ARHGAP44: variants seen among roughly 807,000 people sequenced by gnomAD.
The protein encoded by ARHGAP44 is rho GTPase-activating protein 44.
A neutral mutation model predicts 106.8 loss-of-function variants in ARHGAP44; 43 were observed. That is an observed-to-expected ratio of 0.40 (90% CI 0.32 to 0.52). The LOEUF (loss-of-function observed/expected upper bound fraction) is 0.52. ARHGAP44 is among the 20% of genes least tolerant of loss of function. The pLI is 0.48. For missense variants in ARHGAP44, 866 were observed against 1,050.5 expected (o/e 0.82, Z 2.43); for synonymous variants, 439 against 410.3 (o/e 1.07, Z -0.85).
At chr17:12,904,250 G>A (rs761182387) in intron 3 of ARHGAP44, among the ~76,000 whole-genome samples, 5 of 152,082 alleles carry the variant, frequency 3.3e-5, no homozygotes, top group Non-Finnish European at 7.4e-5. Context: ...GGGATTACAG[G>A]TGCATGCCAC....
chr17:12,865,338 A>G (rs1212450831), intron 1 of ARHGAP44, among the ~76,000 whole-genome samples: 5 of 152,302 alleles, frequency 3.3e-5, no homozygotes, highest in African/African-American at 7.2e-5. Context: ...TTTGTTTGCA[A>G]GTTTGACACA....
At chr17:12,935,878 A>T (rs1039678742) in intron 7 of ARHGAP44, among the ~76,000 whole-genome samples, 4 of 152,182 alleles carry the variant, frequency 2.6e-5, no homozygotes, top group African/African-American at 9.7e-5. Flanking sequence ...ATAATAGGGG[A>T]TCCTGAAAAA....
At chr17:12,884,824 G>C (rs929306326) in intron 1 of ARHGAP44, among the ~76,000 whole-genome samples, 1 of 152,134 alleles carries the variant, frequency 6.6e-6, no homozygotes, top group Non-Finnish European at 1.5e-5. Flanking sequence ...TACACTGAGC[G>C]TAATGGTTTG....
chr17:12,901,697 A>G (rs1303746463), intron 3 of ARHGAP44, among the ~76,000 whole-genome samples: 1 of 152,040 alleles, frequency 6.6e-6, no homozygotes, highest in East Asian at 1.9e-4. Context: ...GCAGGGTGAG[A>G]AGACATATGG....
intron 6 of ARHGAP44, among the ~76,000 whole-genome samples, chr17:12,926,372 A>G (rs574209206): frequency 1.4e-5 from 2 of 146,968 alleles, no homozygotes; most frequent in East Asian, 2.0e-4. Flanking sequence ...ATGAAAAAAA[A>G]ATTATATATG....
intron 10 of ARHGAP44, among the ~76,000 whole-genome samples, chr17:12,945,492 T>C (rs1295200211): frequency 6.6e-6 from 1 of 152,182 alleles, no homozygotes; most frequent in Non-Finnish European, 1.5e-5. Context: ...AAGTATGAAA[T>C]AGTGAGATAG....
At chr17:12,803,051 C>A (rs1054863257) in intron 1 of ARHGAP44, among the ~76,000 whole-genome samples, 18 of 144,014 alleles carry the variant, frequency 1.2e-4, no homozygotes, top group African/African-American at 4.4e-4. Flanking sequence ...TGGCTCACTG[C>A]AACCTCTGCC....
rs537841094 is a variant in ARHGAP44, at chr17:12,797,684, A to G, written c.53+7793A>G. ...GTGTCTTAACCACAGTTAACCTCCA[A>G]ATTGCTCCATTATGAAAGAAAGTTG... On this transcript the variant is annotated intron_variant, in intron 1 of 20. Coordinates refer to ENST00000379672, the MANE Select transcript of ARHGAP44 (RefSeq NM_014859.6). 6.8e-4 allele frequency among the ~76,000 whole-genome samples: 104 copies of G among 152,238 alleles called. No homozygotes were observed. In the Middle Eastern group the frequency reaches 0.017, roughly 25 times the overall value.
At chr17:12,909,346 C>T (rs1314160640) in intron 4 of ARHGAP44, among the ~76,000 whole-genome samples, 1 of 151,992 alleles carries the variant, frequency 6.6e-6, no homozygotes, top group East Asian at 1.9e-4. Context: ...CATGAGAGAG[C>T]ATCAGCAGAC....
chr17:12,923,496 C>T (rs1252500445), intron 6 of ARHGAP44, among the ~76,000 whole-genome samples: 5 of 151,892 alleles, frequency 3.3e-5, no homozygotes, highest in East Asian at 3.9e-4. Context: ...GGTTTACAGG[C>T]GTGAGCCACT....
At chr17:12,912,823 A>T (rs201611736) in intron 4 of ARHGAP44, among the ~76,000 whole-genome samples, 6 of 152,194 alleles carry the variant, frequency 3.9e-5, no homozygotes, top group Non-Finnish European at 1.5e-5. Flanking sequence ...CCAAGTTTCA[A>T]TCAACGAGAG....
chr17:12,979,154 G>A (rs1207784934), intron 18 of ARHGAP44, among the ~76,000 whole-genome samples: 6 of 152,172 alleles, frequency 3.9e-5, no homozygotes, highest in Admixed American at 3.9e-4. Flanking sequence ...AAGGCCACCT[G>A]GAGAATTTTC....
chr17:12,844,951 A>C (rs959553937), intron 1 of ARHGAP44, among the ~76,000 whole-genome samples: 14 of 152,106 alleles, frequency 9.2e-5, no homozygotes, highest in Non-Finnish European at 1.5e-4. Context: ...ATCAAACAAA[A>C]CTAAATTGAT....
intron 16 of ARHGAP44, chr17:12,973,071 T>C (rs2039569658): frequency 8.5e-6 from 4 of 472,752 alleles, no homozygotes; most frequent in Non-Finnish European, 1.5e-5. Context: ...ATATCAACTC[T>C]TCAGCTGCTC....
intron 7 of ARHGAP44, among the ~76,000 whole-genome samples, chr17:12,935,411 A>T (rs771868855): frequency 2.0e-5 from 3 of 152,096 alleles, no homozygotes; most frequent in Admixed American, 2.0e-4. Flanking sequence ...CTCTACTAAA[A>T]ATACAAAAAT....
chr17:12,964,289 T>A (rs1319154014), intron 16 of ARHGAP44, among the ~76,000 whole-genome samples: 3 of 152,238 alleles, frequency 2.0e-5, no homozygotes, highest in African/African-American at 7.2e-5. Context: ...CAAATCAATT[T>A]TTTTTTCTAC....
intron 3 of ARHGAP44, among the ~76,000 whole-genome samples, chr17:12,906,667 G>GT (rs1428587919): frequency 1.3e-5 from 2 of 152,050 alleles, no homozygotes; most frequent in Non-Finnish European, 2.9e-5. Context: ...GGGTGTGGTG[G>GT]TTAACACCTG....
At chr17:12,818,396 C>T (rs554978065) in intron 1 of ARHGAP44, among the ~76,000 whole-genome samples, 8 of 148,430 alleles carry the variant, frequency 5.4e-5, no homozygotes, top group Admixed American at 2.0e-4. Context: ...GAAGAGTGAA[C>T]GCTTTTCCCC....
At chr17:12,927,976 A>G (rs1027322555) in intron 6 of ARHGAP44, among the ~76,000 whole-genome samples, 1 of 152,102 alleles carries the variant, frequency 6.6e-6, no homozygotes, top group Non-Finnish European at 1.5e-5. Flanking sequence ...TTGAGTTTAC[A>G]GACTCAGGAG....
Sources: gnomAD v4.1 joint callset for allele counts (sites outside exome capture counted in the v4.1 genomes callset) on GRCh38, gnomAD v4.1.1 for gene constraint, MANE v1.5 for transcripts, NCBI Gene and HGNC (gene_info 2026-07-23, HGNC 2026-07-21) for gene names.